TOX: variants seen among roughly 807,000 people sequenced by gnomAD.
The protein encoded by TOX is thymocyte selection-associated high mobility group box protein TOX.
TOX carries 11 observed loss-of-function variants against 53.7 expected under a neutral mutation model. That is an observed-to-expected ratio of 0.20 (90% confidence interval 0.13 to 0.34). TOX has a LOEUF of 0.34. Ranked by LOEUF, TOX falls within the 10% of genes least tolerant of loss-of-function variation. The pLI, the probability that TOX is intolerant of heterozygous loss-of-function variation, is 1.00. For synonymous variants in TOX, 225 were observed against 245.3 expected, an observed-to-expected ratio of 0.92 and a Z score of 0.77; for missense variants, 570 against 664.6, an observed-to-expected ratio of 0.86 and a Z score of 1.56.
intron 6 of TOX, among the ~76,000 whole-genome samples, chr8:58,826,318 T>C (rs1465667970): frequency 6.6e-6 from 1 of 152,238 alleles, no homozygotes; most frequent in Non-Finnish European, 1.5e-5. Context: ...CTCTTGGGTA[T>C]TTATAACAGG....
chr8:58,952,942 G>A (rs2129177790), intron 2 of TOX, among the ~76,000 whole-genome samples: 1 of 152,226 alleles, frequency 6.6e-6, no homozygotes, highest in South Asian at 2.1e-4. Flanking sequence ...CTCTACATGT[G>A]TTTATGTTTT....
At chr8:58,859,870 A>C (rs1045137427) in intron 3 of TOX, among the ~76,000 whole-genome samples, 6 of 150,988 alleles carry the variant, frequency 4.0e-5, no homozygotes, top group African/African-American at 1.5e-4. Context: ...TTGTTTGTAC[A>C]TCGTCTCCCA....
chr8:58,941,973 A>G (rs573938039), intron 2 of TOX, among the ~76,000 whole-genome samples: 53 of 151,670 alleles, frequency 3.5e-4, no homozygotes, highest in Non-Finnish European at 4.6e-4. Context: ...GAATTACTTG[A>G]ACCCAGGAAG....
chr8:58,825,548 G>A (rs974513129), intron 6 of TOX, among the ~76,000 whole-genome samples: 9 of 152,166 alleles, frequency 5.9e-5, no homozygotes, highest in Non-Finnish European at 8.8e-5. Context: ...TTTGTATTGG[G>A]ATTGAGACTT....
intron 1 of TOX, among the ~76,000 whole-genome samples, chr8:59,114,964 C>T (rs867557399): frequency 2.0e-5 from 3 of 152,174 alleles, no homozygotes; most frequent in South Asian, 2.1e-4. Flanking sequence ...GAGTTCATCA[C>T]AAATGGGTCC....
chr8:58,841,700 T>A (rs1180895428), intron 4 of TOX, among the ~76,000 whole-genome samples: 3 of 152,330 alleles, frequency 2.0e-5, no homozygotes, highest in African/African-American at 7.2e-5. Context: ...GACAGATAGG[T>A]TAATTAGTTT....
chr8:59,005,497 A>G (rs1210468263), intron 1 of TOX, among the ~76,000 whole-genome samples: 1 of 152,148 alleles, frequency 6.6e-6, no homozygotes, highest in Non-Finnish European at 1.5e-5. Context: ...TTCTATATAC[A>G]TAAAGAGGGA....
At chr8:58,956,266 G>A (rs1473139225) in intron 2 of TOX, among the ~76,000 whole-genome samples, 1 of 152,180 alleles carries the variant, frequency 6.6e-6, no homozygotes, top group East Asian at 1.9e-4. Context: ...AGGAGCTGGA[G>A]AAGGGGGCTG....
intron 1 of TOX, among the ~76,000 whole-genome samples, chr8:59,019,052 T>G (rs551804028): frequency 1.3e-5 from 2 of 152,278 alleles, no homozygotes; most frequent in Admixed American, 1.3e-4. Context: ...AGATTTTGTA[T>G]TGTTTGATAA....
At chr8:59,109,787 C>T (rs905989913) in intron 1 of TOX, among the ~76,000 whole-genome samples, 10 of 152,066 alleles carry the variant, frequency 6.6e-5, no homozygotes, top group East Asian at 1.9e-4. Flanking sequence ...TAATCGCCGA[C>T]GAAAACATGG....
chr8:58,956,672 A>G (rs7820511), intron 2 of TOX, among the ~76,000 whole-genome samples: 94,429 of 151,992 alleles, frequency 0.62, 30,736 homozygotes, highest in Non-Finnish European at 0.71. Flanking sequence ...TGCGATCTCA[A>G]CTCACTGCAA....
At chr8:58,813,237 G>A (rs913025702) in intron 7 of TOX, among the ~76,000 whole-genome samples, 1 of 152,152 alleles carries the variant, frequency 6.6e-6, no homozygotes, top group African/African-American at 2.4e-5. Flanking sequence ...AAACTATTCA[G>A]GATCATGGCC....
At chr8:58,948,757 A>G (rs530945768) in intron 2 of TOX, among the ~76,000 whole-genome samples, 1 of 152,266 alleles carries the variant, frequency 6.6e-6, no homozygotes, top group Admixed American at 6.5e-5. Flanking sequence ...TTGAGTTCGT[A>G]CATTCTGAGA....
At chr8:59,051,272 C>T (rs1803784869) in intron 1 of TOX, among the ~76,000 whole-genome samples, 1 of 152,070 alleles carries the variant, frequency 6.6e-6, no homozygotes, top group African/African-American at 2.4e-5. Context: ...TCTTTACTTA[C>T]TGTGTAGGTA....
At chr8:58,895,772 A>G (rs535589495) in intron 3 of TOX, among the ~76,000 whole-genome samples, 1 of 152,320 alleles carries the variant, frequency 6.6e-6, no homozygotes, top group Admixed American at 6.5e-5. Context: ...TGCTCTGGAA[A>G]GACCACCAGA....
At chr8:58,827,854 G>A in intron 5 of TOX, among the ~76,000 whole-genome samples, 1 of 152,172 alleles carries the variant, frequency 6.6e-6, no homozygotes, top group East Asian at 1.9e-4. Context: ...AGGCTTTAGA[G>A]TATATTTTTT....
At chr8:58,911,681 A>T (rs777140907) in intron 3 of TOX, among the ~76,000 whole-genome samples, 28 of 152,266 alleles carry the variant, frequency 1.8e-4, no homozygotes, top group Non-Finnish European at 3.4e-4. Flanking sequence ...AAAAACACAT[A>T]AGACTCAAGT....
At chr8:58,862,555 A>G (rs536839102) in intron 3 of TOX, among the ~76,000 whole-genome samples, 2 of 152,150 alleles carry the variant, frequency 1.3e-5, no homozygotes, top group Admixed American at 6.6e-5. Flanking sequence ...AGGGTTAAAA[A>G]CCTATTAAAT....
At chr8:59,099,791 A>T (rs944059294) in intron 1 of TOX, among the ~76,000 whole-genome samples, 4 of 152,232 alleles carry the variant, frequency 2.6e-5, no homozygotes, top group African/African-American at 9.6e-5. Context: ...TTTGGGAGTG[A>T]AATGAAATGA....
Sources: allele counts gnomAD v4.1 joint callset (sites outside exome capture counted in the v4.1 genomes callset), GRCh38; gene constraint gnomAD v4.1.1; transcripts MANE v1.5; gene names NCBI Gene and HGNC (gene_info 2026-07-23, HGNC 2026-07-21).